Variants in ARF1 observed in about 807,000 individuals in gnomAD.
ARF1 encodes ADP-ribosylation factor 1.
ARF1 carries 1 observed loss-of-function variant against 18.0 expected under a neutral mutation model. The ratio of observed to expected loss-of-function variants is 0.06; its 90% CI spans 0.02 to 0.26. The LOEUF is 0.26. ARF1 is among the 10% of genes least tolerant of loss of function. ARF1 has a pLI of 1.00. For missense variants in ARF1, 73 were observed against 247.2 expected (o/e 0.30, Z 4.73); for synonymous variants, 112 against 96.3 (o/e 1.16, Z -0.95).
intron 1 of ARF1, among the ~76,000 whole-genome samples, chr1:228,096,720 C>T (rs916351994): frequency 1.3e-5 from 2 of 152,172 alleles, no homozygotes; most frequent in Admixed American, 1.3e-4. Context: ...TGCTCTCTGG[C>T]CCTGGAAGGT....
intron 1 of ARF1, among the ~76,000 whole-genome samples, chr1:228,084,439 G>A (rs2032331063): frequency 6.6e-6 from 1 of 152,232 alleles, no homozygotes; most frequent in Non-Finnish European, 1.5e-5. Flanking sequence ...GCTGTTGCCT[G>A]TGAGGCAGAT....
In ARF1 at chr1:228,099,185, A is replaced by G. The variant is rs2032867513; in HGVS notation, c.*1172A>G. 6.6e-6 allele frequency: 1 copy of G among 152,640 alleles called. No homozygotes were observed. The highest frequency in any genetic ancestry group is 6.5e-5 in the Admixed American group (1 of 15,286). 9.5% of individuals were successfully genotyped at this position (152,640 alleles called of 1,614,324 possible). A position where few individuals can be genotyped will look rare whatever the true frequency, so the allele number is the denominator to read the frequency against. On this transcript the variant is annotated 3_prime_UTR_variant, in exon 5 of 5. Transcript: ENST00000272102. The stretch of plus-strand genomic sequence containing the variant: ...ACAAACAAGCACTGTAATTATAGCT[A>G]TTAGAATAAAATCTCTTAACTATTT...
At chr1:228,088,694 T>G (rs967618786) in intron 1 of ARF1, among the ~76,000 whole-genome samples, 1 of 152,032 alleles carries the variant, frequency 6.6e-6, no homozygotes, top group Non-Finnish European at 1.5e-5. Context: ...GCCCTTGAGG[T>G]TGGTGGTGTC....
chr1:228,086,535 A>G (rs1022599812), intron 1 of ARF1, among the ~76,000 whole-genome samples: 6 of 151,972 alleles, frequency 3.9e-5, no homozygotes, highest in African/African-American at 1.2e-4. Flanking sequence ...AAAAAGAAAA[A>G]AAAGAAACAG....
intron 1 of ARF1, among the ~76,000 whole-genome samples, chr1:228,091,679 A>G (rs1482512840): frequency 1.3e-5 from 2 of 152,198 alleles, no homozygotes; most frequent in Non-Finnish European, 2.9e-5. Flanking sequence ...TGTCACCAGT[A>G]TCGGCACATT....
chr1:228,092,742 G>A (rs2032613506), intron 1 of ARF1, among the ~76,000 whole-genome samples: 1 of 152,186 alleles, frequency 6.6e-6, no homozygotes. Flanking sequence ...AGGGACCGAG[G>A]ACAGTACTGG....
At chr1:228,085,804 G>A (rs1169637521) in intron 1 of ARF1, among the ~76,000 whole-genome samples, 1 of 152,236 alleles carries the variant, frequency 6.6e-6, no homozygotes, top group Non-Finnish European at 1.5e-5. Flanking sequence ...AAGTGGACAG[G>A]AGAGTTGATT....
rs1416425221 is a variant in ARF1, at chr1:228,098,911, C to T, written c.*898C>T. 4.6e-5 allele frequency: 7 copies of T among 152,674 alleles called. No individual in the cohort carries two copies. The highest frequency in any genetic ancestry group is 2.1e-4 in the South Asian group (1 of 4,830). The allele number at this position is 152,674 out of a possible 1,614,324, so 9.5% of individuals were successfully genotyped here. A position where few individuals can be genotyped will look rare whatever the true frequency, so the allele number is the denominator to read the frequency against. On this transcript the variant is annotated 3_prime_UTR_variant, in exon 5 of 5. Transcript: ENST00000272102. The stretch of plus-strand genomic sequence containing the variant: ...CGGTCCACCTAGACCCACAGCCCCT[C>T]GGGAGCACCCCACCTCTGTGTGTGA...
At chr1:228,091,294 G>C (rs1013821966) in intron 1 of ARF1, among the ~76,000 whole-genome samples, 1 of 152,198 alleles carries the variant, frequency 6.6e-6, no homozygotes, top group Admixed American at 6.5e-5. Context: ...AGTCAGACCT[G>C]ATAGATAATG....
intron 1 of ARF1, among the ~76,000 whole-genome samples, chr1:228,086,905 GAACTGAATTA>G (rs2032420830): frequency 1.3e-5 from 2 of 152,176 alleles, no homozygotes; most frequent in South Asian, 4.1e-4. Flanking sequence ...TGTCAGAATT[GAACTGAATTA>G]AACGACACCT....
At chr1:228,096,037 G>A (rs774367285) in intron 1 of ARF1, among the ~76,000 whole-genome samples, 14 of 152,212 alleles carry the variant, frequency 9.2e-5, no homozygotes, top group Admixed American at 1.3e-4. Context: ...AATCAGACAC[G>A]GGCGGCCAGT....
chr1:228,082,788 G>C lies in ARF1; in HGVS notation c.-38+23G>C, dbSNP rs991766643. The C allele has an allele frequency of 7.2e-5, 11 of 152,174 alleles. No homozygotes were observed. Among genetic ancestry groups the C allele is most frequent in the African/African-American group, 2.4e-4 (10 of 41,416 alleles). 9.4% of individuals were successfully genotyped at this position (152,174 alleles called of 1,614,324 possible). On this transcript the variant is annotated intron_variant, in intron 1 of 4. Transcript: ENST00000272102. This position sits in a 1 kb window ranked among gnomAD's most constrained non-coding sequence, Gnocchi z 6.1. ...GAGGTGAGGGCGAGGGGCGCGGGCC[G>C]GTGTGGGCCGCAGAGACGTTGGAGC...
At chr1:228,096,995 G>A in intron 1 of ARF1, 83 bp from the exon 2 acceptor site, 4 of 1,281,870 alleles carry the variant, frequency 3.1e-6, no homozygotes, top group Non-Finnish European at 4.3e-6. Context: ...GGGTGAGGCA[G>A]TGGTGCATCC....
chr1:228,086,367 T>C (rs2032400622), intron 1 of ARF1, among the ~76,000 whole-genome samples: 1 of 151,748 alleles, frequency 6.6e-6, no homozygotes, highest in Non-Finnish European at 1.5e-5. Flanking sequence ...TACAAAAAAA[T>C]AGGCCAGGTG....
chr1:228,088,913 G>A (rs2032486106), intron 1 of ARF1, among the ~76,000 whole-genome samples: 1 of 152,216 alleles, frequency 6.6e-6, no homozygotes, highest in South Asian at 2.1e-4. Context: ...TGGGCATTAT[G>A]TTGTGGACCA....
Position 228,098,063 on chromosome 1 carries a change from G to C in ARF1, c.*50G>C. 1.3e-6 allele frequency: 2 copies of C among 1,556,452 alleles called. No individual in the cohort carries two copies. The highest frequency in any genetic ancestry group is 1.7e-6 in the Non-Finnish European group (2 of 1,146,564). On this transcript the variant is annotated 3_prime_UTR_variant, in exon 5 of 5. Transcript: ENST00000272102. ...CTCTTGCCCTCTGCTTTACTCTCAT[G>C]TGGCAAACGTGCGGCTCGTGGTGTG...
rs1238351753 is a variant in ARF1 at position 228,089,348 on chromosome 1, C to T, written c.-38+6583C>T. Among the ~76,000 whole-genome samples, 5 of 152,116 alleles carry T rather than the reference C, an allele frequency of 3.3e-5. No individual in the cohort carries two copies. The highest frequency in any genetic ancestry group is 5.9e-5 in the Non-Finnish European group (4 of 68,016). The stretch of plus-strand genomic sequence containing the variant: ...CAGAAGCGAGGATTTCCTGCAAGGG[C>T]GGTGGCCTCCCAGGGTCTGTGGGGG... On this transcript the variant is annotated intron_variant, in intron 1 of 4. Coordinates refer to ENST00000272102, the MANE Select transcript of ARF1 (RefSeq NM_001658.4). The surrounding 1 kb of genome is among the most constrained non-coding windows in gnomAD (Gnocchi z 4.1).
At chr1:228,095,155 C>T (rs1045481991) in intron 1 of ARF1, among the ~76,000 whole-genome samples, 1 of 152,002 alleles carries the variant, frequency 6.6e-6, no homozygotes, top group African/African-American at 2.4e-5. Context: ...GGTTTCTCTC[C>T]TTGTCCTTTG....
chr1:228,094,486 T>C (rs765786101), intron 1 of ARF1, among the ~76,000 whole-genome samples: 5 of 152,088 alleles, frequency 3.3e-5, no homozygotes, highest in Non-Finnish European at 7.4e-5. Context: ...AACCTGTCAT[T>C]ATTAGTTTTT....
Sources: gnomAD v4.1 joint callset for allele counts (sites outside exome capture counted in the v4.1 genomes callset) on GRCh38, gnomAD v4.1.1 for gene constraint, Gnocchi (gnomAD v3.1) non-coding constraint, MANE v1.5 for transcripts, NCBI Gene and HGNC (gene_info 2026-07-23, HGNC 2026-07-21) for gene names.